Variants in PCDHA12 observed in about 807,000 individuals in gnomAD.
PCDHA12 encodes the protein protocadherin alpha-12.
In PCDHA12, 44 loss-of-function variants were observed where a neutral mutation model predicts 60.0. The ratio of observed to expected loss-of-function variants is 0.73; its 90% CI spans 0.58 to 0.94. The LOEUF is 0.94. PCDHA12 is among the 40% of genes least tolerant of loss of function. The pLI, the probability that PCDHA12 is intolerant of heterozygous loss-of-function variation, is 0.00. For synonymous variants in PCDHA12, 569 were observed against 553.0 expected (o/e 1.03, Z -0.40); for missense variants, 1,276 against 1,239.7 (o/e 1.03, Z -0.44).
chr5:140,913,178 A>G (rs2076245523), intron 1 of PCDHA12, among the ~76,000 whole-genome samples: 1 of 152,156 alleles, frequency 6.6e-6, no homozygotes, highest in African/African-American at 2.4e-5. Context: ...TCTTCTTTAA[A>G]TGTTTGGTAG....
chr5:140,978,829 T>A (rs2096825254), intron 1 of PCDHA12, 120 bp from the exon 2 acceptor site: 2 of 1,533,852 alleles, frequency 1.3e-6, no homozygotes, highest in Admixed American at 2.0e-5. Flanking sequence ...ATGAAATGGC[T>A]CATTCAATAC....
At chr5:140,989,598 TA>T (rs1554250927) in intron 3 of PCDHA12, among the ~76,000 whole-genome samples, 1 of 152,144 alleles carries the variant, frequency 6.6e-6, no homozygotes, top group Non-Finnish European at 1.5e-5. Flanking sequence ...CTGACACAAG[TA>T]AACTAAAAAT....
chr5:140,978,887 A>T, intron 1 of PCDHA12, 62 bp from the exon 2 acceptor site: 1 of 1,611,648 alleles, frequency 6.2e-7, no homozygotes, highest in Non-Finnish European at 8.5e-7. Context: ...ATCAATTAGC[A>T]GCATTCCTGG....
Position 140,877,668 on chromosome 5 carries a change from C to T in PCDHA12, c.2196C>T (p.Cys732=). The T allele has an allele frequency of 6.2e-7, 1 of 1,613,568 alleles. No homozygotes were observed. The highest frequency in any genetic ancestry group is 8.5e-7 in the Non-Finnish European group (1 of 1,179,792). ...RCSAPPTVSR[C]APGKPTLVCS... Reference sequence around the variant, plus strand: ...CAGCGCCGCCCACCGTGAGCCGGTGCGCGCCGGGCAAGCCCACGCTGGTGT... The same window carrying T: ...CAGCGCCGCCCACCGTGAGCCGGTGTGCGCCGGGCAAGCCCACGCTGGTGT... Residue 732 remains cysteine, a synonymous_variant, in exon 1 of 4, where the codon TGC becomes TGT. Coordinates refer to ENST00000398631, the MANE Select transcript of PCDHA12 (RefSeq NM_018903.4).
At chr5:140,938,322 A>G (rs1467948489) in intron 1 of PCDHA12, among the ~76,000 whole-genome samples, 1 of 152,240 alleles carries the variant, frequency 6.6e-6, no homozygotes, top group Admixed American at 6.5e-5. Context: ...ATTGAATAGA[A>G]GTAATGTTAA....
chr5:140,923,142 T>C (rs553287064), intron 1 of PCDHA12, among the ~76,000 whole-genome samples: 9 of 152,006 alleles, frequency 5.9e-5, no homozygotes, highest in Non-Finnish European at 1.2e-4. Context: ...AGGTGGAATA[T>C]AAAAAAAATT....
intron 1 of PCDHA12, among the ~76,000 whole-genome samples, chr5:140,917,223 C>T (rs1351907671): frequency 2.0e-5 from 3 of 150,934 alleles, no homozygotes; most frequent in African/African-American, 4.9e-5. Flanking sequence ...TTTAGTGATA[C>T]GTTGTTAAAT....
At chr5:141,000,419 ATATTTTTT>A (rs1194100555) in intron 3 of PCDHA12, among the ~76,000 whole-genome samples, 4 of 60,996 alleles carry the variant, frequency 6.6e-5, no homozygotes, top group African/African-American at 2.3e-4. Flanking sequence ...ATATATATAT[ATATTTTTT>A]TTTTTTTTTT....
At chr5:140,927,889 G>A in intron 1 of PCDHA12, 3 of 1,614,226 alleles carry the variant, frequency 1.9e-6, no homozygotes, top group Non-Finnish European at 2.5e-6. Flanking sequence ...GGTGACTGAC[G>A]TGAACGATCA....
chr5:140,926,943 T>C (rs2083677139), intron 1 of PCDHA12: 1 of 1,587,096 alleles, frequency 6.3e-7, no homozygotes, highest in Non-Finnish European at 8.6e-7. Context: ...CCTGCGGCGC[T>C]GCAGCGGGAC....
chr5:140,887,624 GT>G (rs1369272233), intron 1 of PCDHA12, among the ~76,000 whole-genome samples: 1 of 151,558 alleles, frequency 6.6e-6, no homozygotes, highest in Non-Finnish European at 1.5e-5. Flanking sequence ...TTTTCTTTAT[GT>G]TAGTCTGTTG....
At chr5:140,946,903 T>A (rs2094054259) in intron 1 of PCDHA12, among the ~76,000 whole-genome samples, 1 of 151,408 alleles carries the variant, frequency 6.6e-6, no homozygotes, top group African/African-American at 2.4e-5. Flanking sequence ...ATAGGAAGAA[T>A]AAGTTCTGGT....
intron 1 of PCDHA12, chr5:140,968,773 A>G (rs528972800): frequency 4.3e-6 from 7 of 1,614,206 alleles, no homozygotes; most frequent in Non-Finnish European, 5.1e-6. Flanking sequence ...GAGAGCCATC[A>G]CTATCAGCCT....
chr5:140,882,698 G>A (rs562320262), intron 1 of PCDHA12: 18 of 1,614,200 alleles, frequency 1.1e-5, no homozygotes, highest in Middle Eastern at 1.6e-4. Context: ...AATCATTGCA[G>A]AATCTAGACC....
At chr5:140,997,099 A>G (rs1554255700) in intron 3 of PCDHA12, among the ~76,000 whole-genome samples, 6 of 152,108 alleles carry the variant, frequency 3.9e-5, no homozygotes. Context: ...CAGAGTTCTC[A>G]TGCACTCCTG....
At chr5:140,898,235 T>G (rs1386232934) in intron 1 of PCDHA12, among the ~76,000 whole-genome samples, 1 of 152,220 alleles carries the variant, frequency 6.6e-6, no homozygotes, top group Non-Finnish European at 1.5e-5. Flanking sequence ...TGCCATTGCT[T>G]TTGGTGTTTT....
At chr5:140,969,267 G>A in intron 1 of PCDHA12, 5 of 1,614,208 alleles carry the variant, frequency 3.1e-6, no homozygotes, top group South Asian at 2.2e-5. Flanking sequence ...AATCTCACAG[G>A]CCAAAGTGGT....
intron 1 of PCDHA12, among the ~76,000 whole-genome samples, chr5:140,974,864 C>T (rs949061887): frequency 6.6e-6 from 1 of 152,124 alleles, no homozygotes; most frequent in Non-Finnish European, 1.5e-5. Flanking sequence ...TGCCTTAATG[C>T]GGAACAGTCT....
At chr5:140,958,703 C>T (rs1302459806) in intron 1 of PCDHA12, among the ~76,000 whole-genome samples, 3 of 152,112 alleles carry the variant, frequency 2.0e-5, no homozygotes, top group Non-Finnish European at 4.4e-5. Flanking sequence ...AGAGTGACAA[C>T]TCTGTTATAA....
Sources: gnomAD v4.1 joint callset for allele counts (sites outside exome capture counted in the v4.1 genomes callset) on GRCh38, gnomAD v4.1.1 for gene constraint, MANE v1.5 for transcripts, NCBI Gene and HGNC (gene_info 2026-07-23, HGNC 2026-07-21) for gene names.